YEATS2: variants seen among roughly 807,000 people sequenced by gnomAD.
YEATS2 encodes the protein YEATS domain containing 2, also known as YEATS domain-containing protein 2.
YEATS2 carries 77 observed loss-of-function variants against 163.2 expected under a neutral mutation model. The observed-to-expected ratio is 0.47, with a 90% confidence interval of 0.39 to 0.57. The LOEUF is 0.57. YEATS2 is among the 20% of genes least tolerant of loss of function. The pLI, the probability that YEATS2 is intolerant of heterozygous loss-of-function variation, is 0.00. For synonymous variants in YEATS2, 631 were observed against 645.1 expected (o/e 0.98, Z 0.33); for missense variants, 1,549 against 1,729.8 (o/e 0.90, Z 1.85).
At chr3:183,803,143 A>AACAT in intron 25 of YEATS2, 113 bp from the exon 26 acceptor site, 2 of 1,100,748 alleles carry the variant, frequency 1.8e-6, no homozygotes, top group Non-Finnish European at 2.7e-6. Flanking sequence ...CCCAGTAAGG[A>AACAT]ACATACATGC....
intron 25 of YEATS2, 129 bp from the exon 26 acceptor site, chr3:183,803,127 A>AGCT (rs1725849172): frequency 2.2e-6 from 2 of 924,780 alleles, no homozygotes; most frequent in Non-Finnish European, 3.4e-6. Flanking sequence ...GCTGCATCTG[A>AGCT]GCTTGCCCAG....
At chr3:183,734,833 A>G (rs1231937287) in intron 7 of YEATS2, among the ~76,000 whole-genome samples, 2 of 152,030 alleles carry the variant, frequency 1.3e-5, no homozygotes. Flanking sequence ...TAATCCCCAT[A>G]GTCTTATGGT....
At chr3:183,713,857 G>A (rs1051332732) in intron 1 of YEATS2, among the ~76,000 whole-genome samples, 1 of 152,172 alleles carries the variant, frequency 6.6e-6, no homozygotes, top group Non-Finnish European at 1.5e-5. Context: ...CCACACTGGC[G>A]TGCAGTGGCA....
At chr3:183,736,095 C>G (rs897139781) in intron 7 of YEATS2, among the ~76,000 whole-genome samples, 1 of 152,160 alleles carries the variant, frequency 6.6e-6, no homozygotes, top group African/African-American at 2.4e-5. Context: ...TCTTTTCCAT[C>G]AATTCCCGCC....
At position 183,717,681 on chromosome 3, in the gene YEATS2, CT is replaced by C; in HGVS notation, c.132del (p.Ile45LeufsTer10). ...ARDAAVQKIE[T>X]IIKEQFALEM... ...GATGCTGCTGTGCAGAAGATTGAGA[CT>C]ATTATCAAAGAACAGTTTGCTCTTG... On this transcript the variant is annotated frameshift_variant, in exon 3 of 31. Coordinates refer to ENST00000305135, the MANE Select transcript of YEATS2 (RefSeq NM_018023.5). LOFTEE classifies it high-confidence loss of function. 1 of 1,567,706 alleles carries C rather than the reference CT, an allele frequency of 6.4e-7. No individual in the cohort carries two copies. The highest frequency in any genetic ancestry group is 8.6e-7 in the Non-Finnish European group (1 of 1,163,748).
intron 27 of YEATS2, among the ~76,000 whole-genome samples, chr3:183,805,572 T>C (rs954984295): frequency 6.6e-6 from 1 of 152,008 alleles, no homozygotes; most frequent in African/African-American, 2.4e-5. Context: ...GAGGATTGTT[T>C]GAGCCCAAGA....
rs1425963265 is a variant in YEATS2 at position 183,752,078 on chromosome 3, G to A, written c.975G>A (p.Val325=). The change falls in exon 10 of 31, where the codon GTG becomes GTA. Residue 325 remains valine (V), a synonymous_variant. Coordinates refer to ENST00000305135, the MANE Select transcript of YEATS2 (RefSeq NM_018023.5). ...ATTGTTGCCCAATTGTCTAGGTAGT[G>A]GATGTTGAACTCCATCGCCATTCTC... ...GLQTLGAETV[V]DVELHRHSLG... is the part of the protein sequence containing the mutation. 3.1e-6 allele frequency: 5 copies of A among 1,613,850 alleles called. No homozygotes were observed. Among genetic ancestry groups the A allele is most frequent in the Non-Finnish European group, 4.2e-6 (5 of 1,180,006 alleles).
At chr3:183,736,165 A>G (rs1412757547) in intron 7 of YEATS2, among the ~76,000 whole-genome samples, 1 of 152,052 alleles carries the variant, frequency 6.6e-6, no homozygotes, top group Non-Finnish European at 1.5e-5. Context: ...TCCAGTTAGC[A>G]TGCACACACA....
At position 183,717,746 on chromosome 3, in the gene YEATS2, C is replaced by A. The variant is rs1327940557; in HGVS notation, c.196C>A (p.Gln66Lys). 6.5e-7 allele frequency: 1 copy of A among 1,531,678 alleles called. No homozygotes were observed. Among genetic ancestry groups the A allele is most frequent in the Admixed American group, 2.3e-5 (1 of 44,326 alleles). 94.9% of individuals were successfully genotyped at this position (1,531,678 alleles called of 1,614,324 possible). Residue 66 changes from glutamine (Q) to lysine (K), a missense_variant and splice_region_variant, in exon 3 of 31, where the codon CAG becomes AAG. Transcript: ENST00000305135. ...NKEHEIEVID[Q>K]RLIEARRMMD... ...GGAACATGAAATTGAAGTCATTGAC[C>A]AGGTATAATGATGATAAATTGAAAT... is the stretch of plus-strand genomic sequence containing the variant.
chr3:183,786,008 G>T (rs898695658), intron 19 of YEATS2, 117 bp from the exon 20 acceptor site: 3 of 1,234,348 alleles, frequency 2.4e-6, no homozygotes, highest in Non-Finnish European at 3.3e-6. Flanking sequence ...GGTTGGATTG[G>T]TAAGACTTTC....
rs1726718273 is a variant in YEATS2, at chr3:183,810,645, C to G, written c.*62C>G. Reference sequence around the variant, plus strand: ...GCACAGCGAAGCTGTAACTGAGGACCCTGCTGCTCGGGAAGGAGGTGGTTT... The same window carrying G: ...GCACAGCGAAGCTGTAACTGAGGACGCTGCTGCTCGGGAAGGAGGTGGTTT... On this transcript the variant is annotated 3_prime_UTR_variant, in exon 31 of 31. Transcript: ENST00000305135. 2.3e-5 allele frequency: 34 copies of G among 1,497,640 alleles called. No homozygotes were observed. The highest frequency in any genetic ancestry group is 3.1e-5 in the Non-Finnish European group (34 of 1,082,278). 92.8% of individuals were successfully genotyped at this position (1,497,640 alleles called of 1,614,324 possible). A position where few individuals can be genotyped will look rare whatever the true frequency, so the allele number is the denominator to read the frequency against.
chr3:183,703,585 T>G (rs1714328714), intron 1 of YEATS2, among the ~76,000 whole-genome samples: 1 of 152,180 alleles, frequency 6.6e-6, no homozygotes, highest in African/African-American at 2.4e-5. Flanking sequence ...GTTCTTTGTA[T>G]CAAAGGGAGG....
In YEATS2 at chr3:183,776,042, A is replaced by G; in HGVS notation, c.2496A>G (p.Gly832=). 1 of 1,613,652 alleles carries G rather than the reference A, an allele frequency of 6.2e-7. No homozygotes were observed. Among genetic ancestry groups the G allele is most frequent in the South Asian group, 1.1e-5 (1 of 90,992 alleles). Residue 832 remains glycine, a synonymous_variant, in exon 18 of 31, where the codon GGA becomes GGG. Coordinates refer to ENST00000305135, the MANE Select transcript of YEATS2 (RefSeq NM_018023.5). ...STGGGGGTAG[G]GTQSTAGPGG... ...GAGGAGGAGGAGGAACAGCAGGAGG[A>G]GGAACTCAAAGTACTGCTGGCCCTG...
At position 183,801,518 on chromosome 3, in the gene YEATS2, C is replaced by T. The variant is rs1045347953; in HGVS notation, c.3492C>T (p.Ile1164=). Residue 1164 remains isoleucine (I), a synonymous_variant, in exon 25 of 31, where the codon ATC becomes ATT. Coordinates refer to ENST00000305135, the MANE Select transcript of YEATS2 (RefSeq NM_018023.5). The part of the protein sequence containing the change: ...LTAVVKKIPL[I]TAKSEDASCF... ...CAGTAGTAAAGAAGATTCCATTAAT[C>T]ACTGCAAAAAGTAAGACAATTACAC... 5 of 1,609,114 alleles carry T rather than the reference C, an allele frequency of 3.1e-6. No homozygotes were observed. Among genetic ancestry groups the T allele is most frequent in the Non-Finnish European group, 4.2e-6 (5 of 1,177,414 alleles).
At chr3:183,810,432 T>G in intron 30 of YEATS2, 43 bp from the exon 31 acceptor site, 3 of 1,529,904 alleles carry the variant, frequency 2.0e-6, no homozygotes, top group Non-Finnish European at 2.7e-6. Flanking sequence ...GAGATATACG[T>G]GAGAGAATTT....
chr3:183,806,038 G>T (rs541383495), intron 27 of YEATS2, among the ~76,000 whole-genome samples: 15 of 151,984 alleles, frequency 9.9e-5, no homozygotes, highest in African/African-American at 3.6e-4. Flanking sequence ...GATTCCAAAC[G>T]GCCCCTAACC....
intron 8 of YEATS2, among the ~76,000 whole-genome samples, chr3:183,737,598 G>A (rs916023154): frequency 1.3e-5 from 2 of 152,176 alleles, no homozygotes; most frequent in African/African-American, 4.8e-5. Context: ...TCTATAAAGT[G>A]GGGCAAATAA....
At chr3:183,722,241 A>AACAAACCTATTTCC in intron 5 of YEATS2, 105 bp downstream of exon 5, 2 of 1,222,152 alleles carry the variant, frequency 1.6e-6, no homozygotes, top group Non-Finnish European at 2.2e-6. Flanking sequence ...ATCTTAGGAA[A>AACAAACCTATTTCC]TAGGTTTGTT....
intron 10 of YEATS2, 97 bp from the exon 11 acceptor site, chr3:183,754,029 G>A (rs2109301022): frequency 7.0e-7 from 1 of 1,419,676 alleles, no homozygotes; most frequent in Non-Finnish European, 9.4e-7. Context: ...GTTTAAAATG[G>A]TGTTGAAATA....
Sources: allele counts gnomAD v4.1 joint callset (sites outside exome capture counted in the v4.1 genomes callset), GRCh38; gene constraint gnomAD v4.1.1; transcripts MANE v1.5; gene names NCBI Gene and HGNC (gene_info 2026-07-23, HGNC 2026-07-21).